TRAPPC10: variants seen among roughly 807,000 people sequenced by gnomAD.
TRAPPC10 encodes the protein trafficking protein particle complex subunit 10.
In TRAPPC10, 23 loss-of-function variants were observed where a neutral mutation model predicts 125.5. The ratio of observed to expected loss-of-function variants is 0.18; its 90% CI spans 0.13 to 0.26. The LOEUF is 0.26. Among genes scored for constraint, TRAPPC10 ranks in the 10% least tolerant of loss-of-function variants. TRAPPC10 has a pLI of 1.00. For missense variants in TRAPPC10, 1,123 were observed against 1,308.4 expected (o/e 0.86, Z 2.19); for synonymous variants, 509 against 518.0 (o/e 0.98, Z 0.24).
intron 15 of TRAPPC10, 98 bp from the exon 16 acceptor site, chr21:44,086,704 A>T: frequency 7.6e-7 from 1 of 1,316,466 alleles, no homozygotes; most frequent in Non-Finnish European, 1.1e-6. Flanking sequence ...CAAATCTTTC[A>T]TAGTAAAAGA....
intron 3 of TRAPPC10, among the ~76,000 whole-genome samples, chr21:44,049,520 T>G (rs1392031708): frequency 6.6e-6 from 1 of 152,172 alleles, no homozygotes; most frequent in South Asian, 2.1e-4. Context: ...GGACTTAAAT[T>G]GAATAAAAAG....
intron 3 of TRAPPC10, among the ~76,000 whole-genome samples, chr21:44,049,395 C>A (rs1292063013): frequency 6.6e-6 from 1 of 152,216 alleles, no homozygotes; most frequent in Non-Finnish European, 1.5e-5. Flanking sequence ...GACCATCCTC[C>A]TGTCACTGCT....
intron 15 of TRAPPC10, among the ~76,000 whole-genome samples, chr21:44,085,663 C>T (rs906213074): frequency 3.2e-4 from 48 of 151,702 alleles, no homozygotes; most frequent in Admixed American, 2.8e-3. Flanking sequence ...GCTGTGATTG[C>T]GCCACTGTTC....
At chr21:44,093,676 T>C (rs1300243853) in intron 19 of TRAPPC10, among the ~76,000 whole-genome samples, 1 of 151,976 alleles carries the variant, frequency 6.6e-6, no homozygotes, top group Non-Finnish European at 1.5e-5. Flanking sequence ...AAGAATCACT[T>C]GAACCCAGGA....
intron 3 of TRAPPC10, among the ~76,000 whole-genome samples, chr21:44,047,532 ATGTGTGTGTGTG>A (rs33940679): frequency 4.9e-5 from 7 of 142,924 alleles, no homozygotes; most frequent in South Asian, 4.6e-4. Flanking sequence ...CTGGGGGAGT[ATGTGTGTGTGTG>A]TGTGTGTGTG....
intron 2 of TRAPPC10, among the ~76,000 whole-genome samples, chr21:44,037,005 T>C (rs2034032635): frequency 6.6e-6 from 1 of 151,962 alleles, no homozygotes; most frequent in Admixed American, 6.5e-5. Context: ...AAGTAGAAAA[T>C]GTACATATTT....
intron 1 of TRAPPC10, among the ~76,000 whole-genome samples, chr21:44,019,208 C>G (rs550901984): frequency 2.0e-5 from 3 of 152,086 alleles, no homozygotes; most frequent in Non-Finnish European, 4.4e-5. Context: ...GCCACCATGC[C>G]CAGTTAATTT....
chr21:44,014,523 G>A (rs923087892), intron 1 of TRAPPC10, among the ~76,000 whole-genome samples: 2 of 151,430 alleles, frequency 1.3e-5, no homozygotes, highest in East Asian at 1.9e-4. Flanking sequence ...CTCCTTCCTC[G>A]GCCTCCCGAG....
At position 44,047,532 on chromosome 21, in the gene TRAPPC10, A is replaced by ATGTGTGTGTGTGTGTGTGTGTGTGTGTG. The variant is rs33940679; in HGVS notation, c.286-4741_286-4714dup. 6.2e-4 allele frequency among the ~76,000 whole-genome samples: 89 copies of ATGTGTGTGTGTGTGTGTGTGTGTGTGTG among 142,906 alleles called. 1 individual carries two copies. The East Asian group carries it at 9.7e-3, about 16-fold the overall frequency. 93.8% of individuals were successfully genotyped at this position (142,906 alleles called of 152,430 possible). On this transcript the variant is annotated intron_variant, in intron 3 of 22. Transcript: ENST00000291574. ...TCTGTTGCACCCTCTCTGGGGGAGT[A>ATGTGTGTGTGTGTGTGTGTGTGTGTGTG]TGTGTGTGTGTGTGTGTGTGTGTGT...
At chr21:44,031,121 C>G (rs1222075118) in intron 1 of TRAPPC10, among the ~76,000 whole-genome samples, 2 of 152,196 alleles carry the variant, frequency 1.3e-5, no homozygotes, top group African/African-American at 4.8e-5. Context: ...ATGTCATTAC[C>G]CTTCCTCAGT....
rs918759536 is a variant in TRAPPC10, at chr21:44,062,577, G to T, written c.791-961G>T. Reference sequence around the variant, plus strand: ...CTAGCCAAGGGAACTGCTGGTACAGGGCTGGGCTGGTACAGGGCTGGGTCC... The same window carrying T: ...CTAGCCAAGGGAACTGCTGGTACAGTGCTGGGCTGGTACAGGGCTGGGTCC... On this transcript the variant is annotated intron_variant, in intron 6 of 22. Transcript: ENST00000291574. The T allele has an allele frequency of 3.0e-6, 3 of 985,098 alleles. No homozygotes were observed. In the African/African-American group the frequency reaches 5.3e-5, roughly 17 times the overall value. 61.0% of individuals were successfully genotyped at this position (985,098 alleles called of 1,614,324 possible). A position where few individuals can be genotyped will look rare whatever the true frequency, so the allele number is the denominator to read the frequency against.
Position 44,059,694 on chromosome 21 carries a change from C to G in TRAPPC10, c.790+480C>G, listed in dbSNP as rs1210341338. 2 of 521,194 alleles carry G rather than the reference C, an allele frequency of 3.8e-6. No individual in the cohort carries two copies. The highest frequency in any genetic ancestry group is 5.8e-5 in the East Asian group (2 of 34,648). 32.3% of individuals were successfully genotyped at this position (521,194 alleles called of 1,614,324 possible). A position where few individuals can be genotyped will look rare whatever the true frequency, so the allele number is the denominator to read the frequency against. On this transcript the variant is annotated intron_variant, in intron 6 of 22. Coordinates refer to ENST00000291574, the MANE Select transcript of TRAPPC10 (RefSeq NM_003274.5). The surrounding 1 kb of genome is among the most constrained non-coding windows in gnomAD (Gnocchi z 4.4). ...CAATTAAAGAATTAGCACAGTGAAA[C>G]CATACACAGAGAGAAACATTGGTTA...
At chr21:44,036,072 C>T (rs143495505) in intron 2 of TRAPPC10, among the ~76,000 whole-genome samples, 10 of 152,150 alleles carry the variant, frequency 6.6e-5, no homozygotes, top group Non-Finnish European at 1.0e-4. Flanking sequence ...GTGGAGGGAA[C>T]AGAGGACAGG....
At chr21:44,079,002 A>G (rs2146067394) in intron 11 of TRAPPC10, among the ~76,000 whole-genome samples, 1 of 152,134 alleles carries the variant, frequency 6.6e-6, no homozygotes, top group East Asian at 1.9e-4. Context: ...GGCTATTTTA[A>G]TTCTCCGGCG....
chr21:44,063,410 G>A lies in TRAPPC10; in HGVS notation c.791-128G>A. ...CGAATGCATCACTAGACCACAGGGG[G>A]TGGGCCAGTGTTCATAGAAAAACTG... On this transcript the variant is annotated intron_variant, in intron 6 of 22. Transcript: ENST00000291574. This position sits in a 1 kb window ranked among gnomAD's most constrained non-coding sequence, Gnocchi z 4.4. The A allele has an allele frequency of 7.3e-7, 1 of 1,376,806 alleles. No individual in the cohort carries two copies. 85.3% of individuals were successfully genotyped at this position (1,376,806 alleles called of 1,614,324 possible).
chr21:44,081,323 GC>G (rs2037721818), intron 13 of TRAPPC10, among the ~76,000 whole-genome samples: 2 of 151,934 alleles, frequency 1.3e-5, no homozygotes, highest in Admixed American at 1.3e-4. Flanking sequence ...ACCATGCCTG[GC>G]TAATTTTTGT....
intron 7 of TRAPPC10, among the ~76,000 whole-genome samples, chr21:44,065,477 A>G (rs2036376285): frequency 6.6e-6 from 1 of 152,212 alleles, no homozygotes; most frequent in African/African-American, 2.4e-5. Context: ...GCTTTTAGTC[A>G]TAGCTATTGC....
At chr21:44,072,889 G>T (rs2036984518) in intron 7 of TRAPPC10, among the ~76,000 whole-genome samples, 1 of 152,196 alleles carries the variant, frequency 6.6e-6, no homozygotes, top group Non-Finnish European at 1.5e-5. Context: ...AGATCTCCTG[G>T]CACCTGGGAA....
intron 11 of TRAPPC10, 145 bp downstream of exon 11, chr21:44,077,929 TCA>T: frequency 2.0e-6 from 1 of 497,236 alleles, no homozygotes; most frequent in South Asian, 5.1e-5. Flanking sequence ...AATTTTTTTT[TCA>T]GTTTCTTCTG....
Sources: allele counts gnomAD v4.1 joint callset (sites outside exome capture counted in the v4.1 genomes callset), GRCh38; gene constraint gnomAD v4.1.1; non-coding constraint Gnocchi (gnomAD v3.1); transcripts MANE v1.5; gene names NCBI Gene and HGNC (gene_info 2026-07-23, HGNC 2026-07-21).